Variants in CLEC12B observed in about 807,000 individuals in gnomAD.
The protein encoded by CLEC12B is C-type lectin domain family 12 member B.
A neutral mutation model predicts 36.1 loss-of-function variants in CLEC12B; 25 were observed. The observed-to-expected ratio is 0.69, with a 90% CI of 0.50 to 0.97. The LOEUF (loss-of-function observed/expected upper bound fraction) is 0.97, where lower values mean the gene tolerates loss of function less well. Ranked by LOEUF, CLEC12B falls within the 50% of genes least tolerant of loss-of-function variation. The probability of loss-of-function intolerance (pLI) is 0.00; values close to 1 mark genes in which losing one functional copy is unlikely to be tolerated. For missense variants in CLEC12B, 325 were observed against 318.4 expected (o/e 1.02, Z -0.16); for synonymous variants, 110 against 108.5 (o/e 1.01, Z -0.09).
upstream of CLEC12B, among the ~76,000 whole-genome samples, chr12:10,007,009 C>T (rs988137174): frequency 3.6e-4 from 55 of 151,504 alleles, 1 homozygote; most frequent in African/African-American, 1.3e-3. Context: ...GAGCCGAGAT[C>T]GCGCCACTGC....
At chr12:10,007,481 A>C (rs1198714902), upstream of CLEC12B, among the ~76,000 whole-genome samples, 1 of 152,188 alleles carries the variant, frequency 6.6e-6, no homozygotes, top group African/African-American at 2.4e-5. Flanking sequence ...GTTTTGGTAT[A>C]TTTGACTAGT....
intron 5 of CLEC12B, chr12:10,016,907 C>CT: frequency 1.2e-6 from 1 of 860,084 alleles, no homozygotes; most frequent in Non-Finnish European, 1.4e-6. Context: ...TTCATAATGG[C>CT]TTTTTATCTA....
upstream of CLEC12B, among the ~76,000 whole-genome samples, chr12:10,010,200 TCACA>T (rs3053772): frequency 0.25 from 36,206 of 145,726 alleles, 4,636 homozygotes; most frequent in East Asian, 0.44. Flanking sequence ...TGTCTCTCTC[TCACA>T]CACACACACA....
upstream of CLEC12B, among the ~76,000 whole-genome samples, chr12:10,010,392 C>G: frequency 6.6e-6 from 1 of 152,164 alleles, no homozygotes; most frequent in East Asian, 1.9e-4. Flanking sequence ...AAGAAGACAA[C>G]CTGACTCTTT....
intron 1 of CLEC12B, among the ~76,000 whole-genome samples, chr12:10,011,763 G>C (rs1865332960): frequency 6.6e-6 from 1 of 152,220 alleles, no homozygotes; most frequent in Non-Finnish European, 1.5e-5. Flanking sequence ...TGTGGTGCAT[G>C]ACATTTGAGG....
At chr12:10,008,388 G>C (rs1433042935), upstream of CLEC12B, among the ~76,000 whole-genome samples, 1 of 152,104 alleles carries the variant, frequency 6.6e-6, no homozygotes, top group Admixed American at 6.5e-5. Flanking sequence ...TAAGGTTATT[G>C]GAGGCAAATT....
rs1448706771 is a variant in CLEC12B, at chr12:10,014,757, C to A, written c.409+16C>A. 3 of 1,571,050 alleles carry A rather than the reference C, an allele frequency of 1.9e-6. No homozygotes were observed. Among genetic ancestry groups the A allele is most frequent in the Non-Finnish European group, 2.6e-6 (3 of 1,141,356 alleles). ...CATACTTCAGGTAATCAGACTTAGT[C>A]CTGCTGACCAGTCAGATGGCATATG... On this transcript the variant is annotated intron_variant, in intron 3 of 5. Transcript: ENST00000338896.
In CLEC12B at chr12:10,010,656, A is replaced by G; in HGVS notation, c.-104A>G. 3.0e-6 allele frequency: 2 copies of G among 664,848 alleles called. No individual in the cohort carries two copies. The highest frequency in any genetic ancestry group is 5.3e-6 in the Non-Finnish European group (2 of 377,054). The allele number at this position is 664,848 out of a possible 1,614,324, so 41.2% of individuals were successfully genotyped here. On this transcript the variant is annotated 5_prime_UTR_variant, in exon 1 of 6. Transcript: ENST00000338896. ...CAGTAGAGTGTGTCTGGGTCAGCTGAGTGACTACATCAAAGCTCCCAGCCT... is the reference window on the plus strand; with the variant it reads ...CAGTAGAGTGTGTCTGGGTCAGCTGGGTGACTACATCAAAGCTCCCAGCCT...
chr12:10,006,837 C>T (rs1865233134), upstream of CLEC12B, among the ~76,000 whole-genome samples: 1 of 151,966 alleles, frequency 6.6e-6, no homozygotes, highest in Admixed American at 6.6e-5. Flanking sequence ...GGACAGATCA[C>T]GAGGTCAGGA....
Position 10,010,808 on chromosome 12 carries a change from G to C in CLEC12B, c.49G>C (p.Gly17Arg). 2 of 1,612,024 alleles carry C rather than the reference G, an allele frequency of 1.2e-6. No homozygotes were observed. Among genetic ancestry groups the C allele is most frequent in the Non-Finnish European group, 1.7e-6 (2 of 1,178,360 alleles). ...GACACTCACATTTCAGGATTCTGCT[G>C]GAGCAAGGAATAACCGAGATGGAAA... Reference protein sequence around the residue: ...YATLTFQDSAGARNNRDGNNL... With the variant: ...YATLTFQDSARARNNRDGNNL... Residue 17 changes from glycine (G) to arginine (R), a missense_variant, in exon 1 of 6, where the codon GGA (glycine) becomes CGA (arginine). Transcript: ENST00000338896.
chr12:10,018,389 A>C lies in CLEC12B; in HGVS notation c.739A>C (p.Lys247Gln). The C allele has an allele frequency of 6.5e-7, 1 of 1,545,176 alleles. No individual in the cohort carries two copies. The highest frequency in any genetic ancestry group is 1.7e-4 in the Middle Eastern group (1 of 5,970). ...NGSKGCAYFQKGNIYISRCSA... is the reference protein window; with the variant it reads ...NGSKGCAYFQQGNIYISRCSA... ...ATCCAAAGGATGTGCTTATTTTCAA[A>C]AAGGAAATATTTATATTTCTCGCTG... The change falls in exon 6 of 6, where the codon AAA becomes CAA. Residue 247 changes from lysine (K) to glutamine (Q), a missense_variant. Transcript: ENST00000338896.
chr12:10,011,107 C>G (rs1355222111), intron 1 of CLEC12B, among the ~76,000 whole-genome samples: 1 of 152,152 alleles, frequency 6.6e-6, no homozygotes, highest in Non-Finnish European at 1.5e-5. Flanking sequence ...AGAAATTGAG[C>G]TTGGGGAATT....
At chr12:10,016,189 T>A (rs1232226179) in intron 5 of CLEC12B, 1 of 157,232 alleles carries the variant, frequency 6.4e-6, no homozygotes, top group Admixed American at 6.5e-5. Flanking sequence ...AGAACACATA[T>A]CAACACATTT....
intron 5 of CLEC12B, chr12:10,017,481 G>A: frequency 1.0e-6 from 1 of 985,380 alleles, no homozygotes; most frequent in Non-Finnish European, 1.2e-6. Flanking sequence ...CTTAATCAAA[G>A]TGTGGAGGAG....
chr12:10,007,912 T>C (rs956997018), upstream of CLEC12B, among the ~76,000 whole-genome samples: 6 of 152,092 alleles, frequency 3.9e-5, no homozygotes, highest in African/African-American at 1.4e-4. Flanking sequence ...ACATGAGGGA[T>C]TGACAACAAT....
At chr12:10,007,402 T>C (rs1368949540), upstream of CLEC12B, among the ~76,000 whole-genome samples, 3 of 152,162 alleles carry the variant, frequency 2.0e-5, no homozygotes, top group African/African-American at 7.2e-5. Flanking sequence ...CAGATGGAGA[T>C]TGATCTTAGA....
upstream of CLEC12B, among the ~76,000 whole-genome samples, chr12:10,006,998 T>C (rs1371179794): frequency 6.6e-6 from 1 of 151,444 alleles, no homozygotes; most frequent in Non-Finnish European, 1.5e-5. Flanking sequence ...GAGCTTGCAG[T>C]GAGCCGAGAT....
At chr12:10,008,991 G>A (rs573314197), upstream of CLEC12B, among the ~76,000 whole-genome samples, 7 of 152,210 alleles carry the variant, frequency 4.6e-5, no homozygotes, top group African/African-American at 7.2e-5. Context: ...TCAGTGCCAC[G>A]TAAAACGCAC....
At chr12:10,010,920 G>A in intron 1 of CLEC12B, 70 bp downstream of exon 1, 3 of 938,430 alleles carry the variant, frequency 3.2e-6, no homozygotes, top group Non-Finnish European at 1.7e-6. Context: ...TGAGGTGCCA[G>A]CTTTAATACT....
Sources: allele counts gnomAD v4.1 joint callset (sites outside exome capture counted in the v4.1 genomes callset), GRCh38; gene constraint gnomAD v4.1.1; transcripts MANE v1.5; gene names NCBI Gene and HGNC (gene_info 2026-07-23, HGNC 2026-07-21).